The following USP34 variants were observed in gnomAD, a reference collection of about 807,000 sequenced individuals.
USP34 encodes the protein ubiquitin carboxyl-terminal hydrolase 34.
A neutral mutation model predicts 460.3 loss-of-function variants in USP34; 70 were observed. That is an observed-to-expected ratio of 0.15 (90% CI 0.13 to 0.19). The LOEUF (loss-of-function observed/expected upper bound fraction) is 0.19, where lower values mean the gene tolerates loss of function less well. Ranked by LOEUF, USP34 falls within the 10% of genes least tolerant of loss-of-function variation. USP34 has a pLI of 1.00. For synonymous variants in USP34, 1,647 were observed against 1,405.3 expected (o/e 1.17, Z -3.85); for missense variants, 3,985 against 4,236.2 (o/e 0.94, Z 1.65).
In USP34 at chr2:61,222,676, G is replaced by A; in HGVS notation, c.7750-13C>T. On this transcript the variant is annotated splice_polypyrimidine_tract_variant and intron_variant, in intron 64 of 79. Coordinates refer to ENST00000398571, the MANE Select transcript of USP34 (RefSeq NM_014709.4). ...GCATAGATACAATCTAAAACAGAAA[G>A]AGGAGGATTTCAGGATATTCTTGTT... 6.2e-7 allele frequency: 1 copy of A among 1,609,920 alleles called. No individual in the cohort carries two copies. Among genetic ancestry groups the A allele is most frequent in the South Asian group, 1.1e-5 (1 of 90,756 alleles).
intron 53 of USP34, among the ~76,000 whole-genome samples, chr2:61,237,967 G>A (rs1688120165): frequency 1.3e-5 from 2 of 151,598 alleles, no homozygotes; most frequent in Admixed American, 6.6e-5. Flanking sequence ...CGCGATCTCG[G>A]CTCACGGCAA....
Position 61,470,659 on chromosome 2 carries a change from A to T in USP34, c.34T>A (p.Leu12Ile). ...TACCGCGGCTACTTACTTTCATTTA[A>T]CACCTCCACCAGGTCTGCGCAGTTC... ...CENCADLVEV[L>I]NEISDVEGGD... is the part of the protein sequence containing the mutation. Residue 12 changes from leucine to isoleucine, a missense_variant, in exon 1 of 80, where the codon TTA becomes ATA. Physicochemically the swap from Leu to Ile is conservative, Grantham distance 5. Around this residue, in one of 14 missense-constraint regions of USP34, gnomAD observed 331 missense variants for 293.7 expected, o/e 1.13. Transcript: ENST00000398571. 1 of 1,595,170 alleles carries T rather than the reference A, an allele frequency of 6.3e-7. No homozygotes were observed.
intron 41 of USP34, among the ~76,000 whole-genome samples, chr2:61,270,712 A>T (rs754571726): frequency 6.6e-6 from 1 of 152,178 alleles, no homozygotes; most frequent in Non-Finnish European, 1.5e-5. Context: ...CTGGGATTAC[A>T]GACATGAGCC....
chr2:61,372,582 A>G (rs1442784644), intron 8 of USP34, among the ~76,000 whole-genome samples: 1 of 152,140 alleles, frequency 6.6e-6, no homozygotes, highest in Non-Finnish European at 1.5e-5. Flanking sequence ...ATGGTGGCTC[A>G]TGCCTGTGGT....
At chr2:61,275,617 C>T (rs1034279333) in intron 41 of USP34, among the ~76,000 whole-genome samples, 2 of 146,960 alleles carry the variant, frequency 1.4e-5, no homozygotes, top group Admixed American at 1.4e-4. Context: ...GACCCTGTCC[C>T]TTTTTTTTTT....
chr2:61,371,326 G>A (rs938000252), intron 8 of USP34, among the ~76,000 whole-genome samples: 2 of 151,654 alleles, frequency 1.3e-5, no homozygotes, highest in Non-Finnish European at 2.9e-5. Context: ...ATAAATGACT[G>A]TTGCTGGTTT....
chr2:61,230,184 G>C (rs1397131063), intron 58 of USP34, among the ~76,000 whole-genome samples: 3 of 152,278 alleles, frequency 2.0e-5, no homozygotes, highest in South Asian at 4.1e-4. Context: ...GGTGAAATTA[G>C]AACACTTATA....
At chr2:61,447,315 C>T (rs1032903415) in intron 1 of USP34, among the ~76,000 whole-genome samples, 2 of 140,220 alleles carry the variant, frequency 1.4e-5, no homozygotes, top group Non-Finnish European at 3.1e-5. Flanking sequence ...CTGATCTCAT[C>T]AGAAAAATCT....
At chr2:61,363,449 A>C (rs1692332172) in intron 10 of USP34, among the ~76,000 whole-genome samples, 1 of 152,240 alleles carries the variant, frequency 6.6e-6, no homozygotes, top group African/African-American at 2.4e-5. Flanking sequence ...AAGATGGTAG[A>C]GTCTACTACA....
chr2:61,303,655 G>A (rs1247873631), intron 27 of USP34, among the ~76,000 whole-genome samples: 2 of 151,454 alleles, frequency 1.3e-5, no homozygotes, highest in African/African-American at 2.4e-5. Flanking sequence ...GGAGTGCAGT[G>A]GCACAATCTC....
intron 1 of USP34, among the ~76,000 whole-genome samples, chr2:61,432,877 A>G (rs1178245583): frequency 6.6e-6 from 1 of 152,212 alleles, no homozygotes; most frequent in South Asian, 2.1e-4. Context: ...CCAAAAACCA[A>G]GACCACATAC....
chr2:61,189,507 C>G (rs907115184), intron 78 of USP34: 3 of 154,256 alleles, frequency 1.9e-5, no homozygotes, highest in African/African-American at 7.2e-5. Context: ...AATCTCCTGA[C>G]CTCGTTATCC....
intron 12 of USP34, among the ~76,000 whole-genome samples, chr2:61,349,692 T>A (rs943152293): frequency 1.3e-5 from 2 of 151,828 alleles, no homozygotes; most frequent in Non-Finnish European, 2.9e-5. Context: ...TACAAAAAAA[T>A]TAGCTGGGCG....
chr2:61,362,646 A>G (rs554838173), intron 10 of USP34, among the ~76,000 whole-genome samples: 1 of 152,294 alleles, frequency 6.6e-6, no homozygotes, highest in East Asian at 1.9e-4. Flanking sequence ...AGAGAGAAAT[A>G]AGTTGACATC....
intron 10 of USP34, among the ~76,000 whole-genome samples, chr2:61,354,727 A>G (rs910239987): frequency 1.3e-5 from 2 of 152,170 alleles, no homozygotes; most frequent in Admixed American, 6.5e-5. Context: ...AGTGTTCACT[A>G]TGTTGGGTTG....
intron 27 of USP34, among the ~76,000 whole-genome samples, chr2:61,307,065 C>T (rs573186416): frequency 3.3e-5 from 5 of 152,162 alleles, no homozygotes; most frequent in Non-Finnish European, 5.9e-5. Context: ...GGAACCAACC[C>T]AAATGTCCAT....
intron 58 of USP34, among the ~76,000 whole-genome samples, chr2:61,232,014 A>G (rs1433978696): frequency 2.0e-5 from 3 of 152,094 alleles, no homozygotes; most frequent in Non-Finnish European, 1.5e-5. Context: ...ATTTTACCCA[A>G]CAATTTAAAG....
intron 8 of USP34, among the ~76,000 whole-genome samples, chr2:61,374,175 A>G (rs1433675592): frequency 6.6e-6 from 1 of 151,504 alleles, no homozygotes; most frequent in Non-Finnish European, 1.5e-5. Flanking sequence ...AAAAAAAAAA[A>G]AAACAGAGAA....
intron 23 of USP34, among the ~76,000 whole-genome samples, chr2:61,317,323 G>C (rs1464228043): frequency 6.6e-6 from 1 of 152,056 alleles, no homozygotes; most frequent in African/African-American, 2.4e-5. Flanking sequence ...GGTCAGGAGT[G>C]CAAGACCAGC....
Sources: gnomAD v4.1 joint callset for allele counts (sites outside exome capture counted in the v4.1 genomes callset) on GRCh38, gnomAD v4.1.1 for gene constraint, gnomAD v4.1.1 regional missense constraint, MANE v1.5 for transcripts, NCBI Gene and HGNC (gene_info 2026-07-23, HGNC 2026-07-21) for gene names.